Variants in RP1L1 observed in about 807,000 individuals in gnomAD.
RP1L1 encodes the protein RP1 like 1, also known as retinitis pigmentosa 1-like 1 protein.
Under a neutral mutation model 15.7 loss-of-function variants are expected in RP1L1, and 27 were observed. The observed-to-expected ratio is 1.72, with a 90% confidence interval of 1.27 to 2.38. The LOEUF (loss-of-function observed/expected upper bound fraction) is 2.38. RP1L1 is among the 30% of genes most tolerant of loss of function. The pLI is 0.00. For synonymous variants in RP1L1, 1,813 were observed against 1,276.7 expected, an observed-to-expected ratio of 1.42 and a Z score of -8.96; for missense variants, 4,798 against 3,075.9, an observed-to-expected ratio of 1.56 and a Z score of -13.24.
At chr8:10,625,037 T>C (rs1167545378) in intron 1 of RP1L1, among the ~76,000 whole-genome samples, 1 of 152,202 alleles carries the variant, frequency 6.6e-6, no homozygotes, top group African/African-American at 2.4e-5. Context: ...GGACAATCAC[T>C]GCATTCCTAC....
chr8:10,611,520 GC>G lies in RP1L1; in HGVS notation c.2577del (p.Arg860GlyfsTer69). On this transcript the variant is annotated frameshift_variant, in exon 4 of 4. Transcript: ENST00000382483. LOFTEE classifies it low-confidence loss of function (END_TRUNC). ...CGRYCPTPPR[G>X]RPCPQRRSSS... ...GAAGAGCGCCTCTGGGGGCAGGGCC[GC>G]CCCCTGGGCGGGGTGGGACAGTACC... 1 of 1,579,072 alleles carries G rather than the reference GC, an allele frequency of 6.3e-7. No individual in the cohort carries two copies. Among genetic ancestry groups the G allele is most frequent in the Non-Finnish European group, 8.6e-7 (1 of 1,163,766 alleles).
rs540830530 is a variant in RP1L1, at chr8:10,650,989, C to A, written c.-20+3909G>T. Among the ~76,000 whole-genome samples, 62 of 152,360 alleles carry A rather than the reference C, an allele frequency of 4.1e-4. 1 individual carries two copies. Among genetic ancestry groups the A allele is most frequent in the Non-Finnish European group, 7.8e-4 (53 of 68,038 alleles). On this transcript the variant is annotated intron_variant, in intron 1 of 3. Coordinates refer to ENST00000382483, the MANE Select transcript of RP1L1 (RefSeq NM_178857.6). ...AGCAAGTGAAAGCTAAAAGGGAACA[C>A]TAAGCTGCTAATAGCTGTAGTGTTT... is the stretch of plus-strand genomic sequence containing the variant.
intron 2 of RP1L1, among the ~76,000 whole-genome samples, chr8:10,617,470 G>C (rs1325063586): frequency 7.0e-6 from 1 of 143,482 alleles, no homozygotes; most frequent in Non-Finnish European, 1.5e-5. Flanking sequence ...TGTCATAGAA[G>C]TCTGTTGTGC....
At chr8:10,616,887 G>A (rs148469904) in intron 2 of RP1L1, among the ~76,000 whole-genome samples, 143 of 152,274 alleles carry the variant, frequency 9.4e-4, no homozygotes, top group African/African-American at 2.6e-3. Flanking sequence ...TCTGTAGGCC[G>A]CATTTCTGCC....
At chr8:10,620,821 G>T (rs1798046363) in intron 2 of RP1L1, among the ~76,000 whole-genome samples, 1 of 152,216 alleles carries the variant, frequency 6.6e-6, no homozygotes, top group Admixed American at 6.5e-5. Context: ...CAGCCCATTG[G>T]CTGTCATGTC....
chr8:10,635,837 G>A (rs73201176), intron 1 of RP1L1, among the ~76,000 whole-genome samples: 1,648 of 152,334 alleles, frequency 0.011, 10 homozygotes, highest in Non-Finnish European at 0.016. Flanking sequence ...TGAGAGTGGG[G>A]ACTCAGGATC....
In RP1L1 at chr8:10,611,605, C is replaced by T. The variant is rs765327358; in HGVS notation, c.2493G>A (p.Thr831=). 92 of 1,612,218 alleles carry T rather than the reference C, an allele frequency of 5.7e-5. No individual in the cohort carries two copies. The highest frequency in any genetic ancestry group is 7.0e-5 in the Non-Finnish European group (82 of 1,179,600). ...CCCGCTGGGCCTCTTGGGCCGGCTG[C>T]GTCCCAGGCTGTGAGCAGCAGTGGC... The part of the protein sequence containing the change: ...HRSHCCSQPG[T]QPAQEAQRGP... Residue 831 remains threonine, a synonymous_variant, in exon 4 of 4, where the codon ACG becomes ACA. Coordinates refer to ENST00000382483, the MANE Select transcript of RP1L1 (RefSeq NM_178857.6).
chr8:10,646,650 A>G (rs1798482968), intron 1 of RP1L1, among the ~76,000 whole-genome samples: 1 of 152,054 alleles, frequency 6.6e-6, no homozygotes, highest in African/African-American at 2.4e-5. Flanking sequence ...CAGCCCCTCT[A>G]AAGTCCAGGG....
In RP1L1 at chr8:10,611,638, G is replaced by T. The variant is rs747256762; in HGVS notation, c.2460C>A (p.Pro820=). 6.2e-7 allele frequency: 1 copy of T among 1,612,942 alleles called. No homozygotes were observed. Among genetic ancestry groups the T allele is most frequent in the Non-Finnish European group, 8.5e-7 (1 of 1,179,866 alleles). ...GCTGTGAGCAGCAGTGGCTTCGGTG[G>T]GGGCCCACCGCCCCTTGCTCAGGCC... ...VGRPEQGAVG[P]HRSHCCSQPG... is the part of the protein sequence containing the mutation. The change falls in exon 4 of 4, where the codon CCC becomes CCA. Residue 820 remains proline, a synonymous_variant. Coordinates refer to ENST00000382483, the MANE Select transcript of RP1L1 (RefSeq NM_178857.6).
rs1479108631 is a variant in RP1L1, at chr8:10,609,632, T to A, written c.4466A>T (p.Glu1489Val). The A allele has an allele frequency of 6.8e-6, 11 of 1,608,460 alleles. No homozygotes were observed. Among genetic ancestry groups the A allele is most frequent in the Middle Eastern group, 1.6e-4 (1 of 6,074 alleles). Residue 1489 changes from glutamate to valine, a missense_variant, in exon 4 of 4, where the codon GAG becomes GTG. Glu to Val is a moderately radical substitution (Grantham distance 121, BLOSUM62 -2). Transcript: ENST00000382483. ...KPPGATMMGQ[E>V]HTQAQPTQGA... Reference sequence around the variant, plus strand: ...CTGGGTGGGTTGGGCCTGCGTGTGCTCTTGGCCCATCATGGTGGCTCCGGG... The same window carrying A: ...CTGGGTGGGTTGGGCCTGCGTGTGCACTTGGCCCATCATGGTGGCTCCGGG...
In RP1L1 at chr8:10,645,731, C is replaced by T. The variant is rs79282204; in HGVS notation, c.-20+9167G>A. On this transcript the variant is annotated intron_variant, in intron 1 of 3. Transcript: ENST00000382483. ...GCCTTCAGGTCCTCAACCAAGCAAA[C>T]GGACACCTGCGAGTGATGGCACCAG... Among the ~76,000 whole-genome samples the T allele has an allele frequency of 4.7e-3, 716 of 152,292 alleles. 3 individuals carry two copies. The highest frequency in any genetic ancestry group is 8.3e-3 in the Non-Finnish European group (566 of 68,032).
intron 1 of RP1L1, among the ~76,000 whole-genome samples, chr8:10,637,388 A>G (rs1159179626): frequency 6.6e-6 from 1 of 152,204 alleles, no homozygotes; most frequent in African/African-American, 2.4e-5. Context: ...GTGTGATGTC[A>G]GTGTAGGGGC....
At chr8:10,631,291 A>G (rs974205336) in intron 1 of RP1L1, among the ~76,000 whole-genome samples, 2 of 150,352 alleles carry the variant, frequency 1.3e-5, no homozygotes, top group Non-Finnish European at 3.0e-5. Context: ...ACACACACGC[A>G]CACAAACACG....
intron 1 of RP1L1, among the ~76,000 whole-genome samples, chr8:10,640,935 T>C (rs1261430597): frequency 6.6e-6 from 1 of 152,106 alleles, no homozygotes. Flanking sequence ...CATGCCTGGC[T>C]AATTTTTGTA....
In RP1L1 at chr8:10,610,121, T is replaced by A; in HGVS notation, c.3977A>T (p.Lys1326Ile). 1 of 1,475,422 alleles carries A rather than the reference T, an allele frequency of 6.8e-7. No individual in the cohort carries two copies. Among genetic ancestry groups the A allele is most frequent in the Non-Finnish European group, 9.1e-7 (1 of 1,099,440 alleles). 91.4% of individuals were successfully genotyped at this position (1,475,422 alleles called of 1,614,324 possible). ...QEEAVQLEET[K>I]TEEGLQEEGV... ...CTCTTCTTGCAGCCCTTCTTCTGTT[T>A]TAGTTTCCTCTAACTGCACCGCCTC... The change falls in exon 4 of 4, where the codon AAA becomes ATA. Residue 1326 changes from lysine (K) to isoleucine (I), a missense_variant. Physicochemically the swap from Lys to Ile is moderately radical, Grantham distance 102 (BLOSUM62 -3). Coordinates refer to ENST00000382483, the MANE Select transcript of RP1L1 (RefSeq NM_178857.6).
chr8:10,644,499 T>C (rs1236707654), intron 1 of RP1L1, among the ~76,000 whole-genome samples: 1 of 152,180 alleles, frequency 6.6e-6, no homozygotes, highest in African/African-American at 2.4e-5. Flanking sequence ...GTGCAGAGAA[T>C]TGTGATGGCT....
chr8:10,634,107 T>C (rs1056334985), intron 1 of RP1L1, among the ~76,000 whole-genome samples: 1 of 151,982 alleles, frequency 6.6e-6, no homozygotes, highest in Non-Finnish European at 1.5e-5. Flanking sequence ...ACCACAGCGG[T>C]CTGAGTAAGA....
Position 10,621,740 on chromosome 8 carries a change from C to T in RP1L1, c.609+853G>A, listed in dbSNP as rs190158642. On this transcript the variant is annotated intron_variant, in intron 2 of 3. Transcript: ENST00000382483. Reference sequence around the variant, plus strand: ...AGTCAACCTCCATCCTCCATTCTGCCGACCTTTGGTGGAATTTCATGTCCG... The same window carrying T: ...AGTCAACCTCCATCCTCCATTCTGCTGACCTTTGGTGGAATTTCATGTCCG... 3.4e-3 allele frequency: 1,741 copies of T among 508,736 alleles called. 10 individuals carry two copies. Among genetic ancestry groups the T allele is most frequent in the Non-Finnish European group, 4.7e-3 (1,186 of 254,710 alleles). The allele number at this position is 508,736 out of a possible 1,614,324, so 31.5% of individuals were successfully genotyped here.
At position 10,609,108 on chromosome 8, in the gene RP1L1, T is replaced by C. The variant is rs752534857; in HGVS notation, c.4990A>G (p.Arg1664Gly). The C allele has an allele frequency of 2.5e-6, 4 of 1,613,454 alleles. No individual in the cohort carries two copies. The highest frequency in any genetic ancestry group is 2.5e-6 in the Non-Finnish European group (3 of 1,179,514). ...GGGGACATAGGGCTCACTTTCTTCC[T>C]CACGCAGGCCTCGCAGGGACAGAAC... ...EEFCPCEACV[R>G]KKVSPMSPKA... Residue 1664 changes from arginine to glycine, a missense_variant, in exon 4 of 4, where the codon AGG becomes GGG. By Grantham distance (125) the Arg-to-Gly change is moderately radical (BLOSUM62 -2). Transcript: ENST00000382483.
Sources: gnomAD v4.1 joint callset for allele counts (sites outside exome capture counted in the v4.1 genomes callset) on GRCh38, gnomAD v4.1.1 for gene constraint, MANE v1.5 for transcripts, NCBI Gene and HGNC (gene_info 2026-07-23, HGNC 2026-07-21) for gene names.